Variants in NELL2 observed in about 807,000 individuals in gnomAD.
The protein encoded by NELL2 is neural EGFL like 2.
Under a neutral mutation model 109.6 loss-of-function variants are expected in NELL2, and 41 were observed. That is an observed-to-expected ratio of 0.37 (90% CI 0.29 to 0.49). The LOEUF (loss-of-function observed/expected upper bound fraction) is 0.49. Among genes scored for constraint, NELL2 ranks in the 20% least tolerant of loss-of-function variants. The probability of loss-of-function intolerance (pLI) is 0.98; values close to 1 mark genes in which losing one functional copy is unlikely to be tolerated. For synonymous variants in NELL2, 355 were observed against 344.7 expected (o/e 1.03, Z -0.33); for missense variants, 900 against 1,008.3 (o/e 0.89, Z 1.45).
chr12:44,515,012 A>G (rs908825000), intron 19 of NELL2, among the ~76,000 whole-genome samples: 1 of 151,504 alleles, frequency 6.6e-6, no homozygotes, highest in Non-Finnish European at 1.5e-5. Flanking sequence ...TTAAAATCCA[A>G]TAGAACAATT....
At chr12:44,610,465 A>C in intron 14 of NELL2, among the ~76,000 whole-genome samples, 1 of 152,076 alleles carries the variant, frequency 6.6e-6, no homozygotes, top group South Asian at 2.1e-4. Flanking sequence ...GAACAGACTG[A>C]GCAAACTGGA....
intron 1 of NELL2, among the ~76,000 whole-genome samples, chr12:44,907,078 C>T (rs977865700): frequency 2.6e-5 from 4 of 152,016 alleles, no homozygotes; most frequent in Non-Finnish European, 4.4e-5. Context: ...GCTTTTCCCC[C>T]TCTTCATTCA....
chr12:44,846,676 G>T lies in NELL2; in HGVS notation c.184+28549C>A, dbSNP rs186863098. The stretch of plus-strand genomic sequence containing the variant: ...TGTAAGCAACTGAACCCATTAAGAT[G>T]ATCAATTCAAAATAAATCCTAAAAC... On this transcript the variant is annotated intron_variant, in intron 2 of 19. Transcript: ENST00000429094. 2.6e-5 allele frequency among the ~76,000 whole-genome samples: 4 copies of T among 152,228 alleles called. No homozygotes were observed. In the East Asian group the frequency reaches 7.7e-4, roughly 29 times the overall value.
chr12:44,881,562 G>A lies in NELL2; in HGVS notation c.39-5662C>T, dbSNP rs565984451. On this transcript the variant is annotated intron_variant, in intron 1 of 20. Transcript: ENST00000333837. ...GATAAAGGAAAGAATCAGTGAGCTC[G>A]AAGACAGATCAATTAAAATTACCCA... Among the ~76,000 whole-genome samples, 370 of 152,080 alleles carry A rather than the reference G, an allele frequency of 2.4e-3. 4 individuals carry two copies. The highest frequency in any genetic ancestry group is 8.3e-4 in the South Asian group (4 of 4,822).
At chr12:44,833,516 G>C (rs1943951184) in intron 2 of NELL2, among the ~76,000 whole-genome samples, 1 of 151,894 alleles carries the variant, frequency 6.6e-6, no homozygotes, top group Non-Finnish European at 1.5e-5. Context: ...ACAAAACTGT[G>C]TACTATACCT....
intron 9 of NELL2, among the ~76,000 whole-genome samples, chr12:44,736,524 AAGAC>A (rs201086370): frequency 1.0e-3 from 156 of 152,242 alleles, no homozygotes; most frequent in African/African-American, 2.0e-3. Flanking sequence ...CAAAAAAAAA[AAGAC>A]AGAAGTCATG....
At chr12:44,919,637 A>G (rs564187537) in intron 1 of NELL2, among the ~76,000 whole-genome samples, 18 of 152,296 alleles carry the variant, frequency 1.2e-4, no homozygotes, top group African/African-American at 4.1e-4. Context: ...AATCAGAGTG[A>G]CGGGTCTACA....
intron 3 of NELL2, among the ~76,000 whole-genome samples, chr12:44,814,332 G>C (rs538645538): frequency 1.3e-5 from 2 of 152,300 alleles, no homozygotes; most frequent in African/African-American, 4.8e-5. Flanking sequence ...CAAAATTAAG[G>C]CGAAATTTTC....
intron 15 of NELL2, among the ~76,000 whole-genome samples, chr12:44,596,928 A>T (rs1450960586): frequency 1.3e-5 from 2 of 152,202 alleles, no homozygotes; most frequent in Non-Finnish European, 2.9e-5. Flanking sequence ...ATGCCCTTAG[A>T]CATGGAGTTT....
intron 1 of NELL2, among the ~76,000 whole-genome samples, chr12:44,898,135 C>CT (rs1387448906): frequency 6.6e-6 from 1 of 152,194 alleles, no homozygotes; most frequent in Non-Finnish European, 1.5e-5. Context: ...AAACTCCCAT[C>CT]TCCCTGGGAC....
At position 44,758,070 on chromosome 12, in the gene NELL2, G is replaced by A. The variant is rs74631104; in HGVS notation, c.994+16677C>T. On this transcript the variant is annotated intron_variant, in intron 9 of 19. Coordinates refer to ENST00000429094, the MANE Select transcript of NELL2 (RefSeq NM_001145108.2). ...TACACACACACACACACACTCCCCC[G>A]CCACACACATACACACACAAGGTAT... Among the ~76,000 whole-genome samples the A allele has an allele frequency of 8.0e-4, 121 of 151,376 alleles. 2 individuals carry two copies. The East Asian group carries it at 0.02, about 25-fold the overall frequency.
intron 15 of NELL2, among the ~76,000 whole-genome samples, chr12:44,537,280 C>T (rs929988467): frequency 1.2e-4 from 19 of 152,148 alleles, no homozygotes; most frequent in Admixed American, 1.2e-3. Context: ...GTGATAAACA[C>T]CCTCTTTCTC....
chr12:44,734,305 A>C (rs1566265058), intron 9 of NELL2, among the ~76,000 whole-genome samples: 1 of 150,152 alleles, frequency 6.7e-6, no homozygotes, highest in Non-Finnish European at 1.5e-5. Context: ...TTTCTTTTGC[A>C]TGGTCTATAT....
At chr12:44,512,183 T>C (rs1941028050) in intron 19 of NELL2, among the ~76,000 whole-genome samples, 1 of 152,126 alleles carries the variant, frequency 6.6e-6, no homozygotes. Flanking sequence ...TGAACAGATA[T>C]TGCTGAAAAG....
intron 2 of NELL2, among the ~76,000 whole-genome samples, chr12:44,852,806 A>G (rs1944570757): frequency 6.6e-6 from 1 of 152,166 alleles, no homozygotes; most frequent in African/African-American, 2.4e-5. Context: ...GTATGTTATC[A>G]AAGAACAATT....
At chr12:44,890,009 G>A (rs1327884546) in intron 1 of NELL2, among the ~76,000 whole-genome samples, 2 of 152,170 alleles carry the variant, frequency 1.3e-5, no homozygotes, top group Non-Finnish European at 2.9e-5. Context: ...ACAGGGATAA[G>A]CTTATGTTAG....
chr12:44,526,574 C>T (rs1763670344), intron 16 of NELL2, among the ~76,000 whole-genome samples: 1 of 152,192 alleles, frequency 6.6e-6, no homozygotes, highest in Non-Finnish European at 1.5e-5. Flanking sequence ...TTGCTATACA[C>T]TGCAGCAATG....
At chr12:44,601,877 T>C (rs1945235451) in intron 15 of NELL2, among the ~76,000 whole-genome samples, 1 of 152,162 alleles carries the variant, frequency 6.6e-6, no homozygotes, top group South Asian at 2.1e-4. Flanking sequence ...GTAATAGAAC[T>C]AGTTCTCAGG....
chr12:44,683,605 A>T (rs1948606502), intron 12 of NELL2, among the ~76,000 whole-genome samples: 1 of 152,022 alleles, frequency 6.6e-6, no homozygotes, highest in South Asian at 2.1e-4. Context: ...TCAATACCTA[A>T]TTTATTGAGA....
Sources: gnomAD v4.1 joint callset for allele counts (sites outside exome capture counted in the v4.1 genomes callset) on GRCh38, gnomAD v4.1.1 for gene constraint, MANE v1.5 for transcripts, NCBI Gene and HGNC (gene_info 2026-07-23, HGNC 2026-07-21) for gene names.